The following SLC25A24 variants were observed in gnomAD, a reference collection of about 807,000 sequenced individuals.
The protein encoded by SLC25A24 is solute carrier family 25 member 24.
Under a neutral mutation model 60.7 loss-of-function variants are expected in SLC25A24, and 49 were observed. That is an observed-to-expected ratio of 0.81 (90% CI 0.64 to 1.02). SLC25A24 has a LOEUF of 1.02. Among genes scored for constraint, SLC25A24 ranks in the 50% least tolerant of loss-of-function variants. SLC25A24 has a pLI of 0.00. For missense variants in SLC25A24, 564 were observed against 586.3 expected, an observed-to-expected ratio of 0.96 and a Z score of 0.39; for synonymous variants, 202 against 200.6, an observed-to-expected ratio of 1.01 and a Z score of -0.06.
intron 1 of SLC25A24, among the ~76,000 whole-genome samples, chr1:108,188,293 C>T (rs1482910837): frequency 6.6e-6 from 1 of 152,032 alleles, no homozygotes; most frequent in East Asian, 1.9e-4. Context: ...ACCTGGGTGA[C>T]AGGGTTCAAT....
chr1:108,140,855 C>A (rs1468671766), intron 8 of SLC25A24, among the ~76,000 whole-genome samples: 1 of 150,878 alleles, frequency 6.6e-6, no homozygotes. Flanking sequence ...ACAGAAGAAG[C>A]CAGGAAGAGA....
At chr1:108,172,840 C>T (rs1042780800) in intron 3 of SLC25A24, among the ~76,000 whole-genome samples, 2 of 152,140 alleles carry the variant, frequency 1.3e-5, no homozygotes, top group East Asian at 3.9e-4. Context: ...TATATAACTA[C>T]AGGAAACTCT....
At chr1:108,147,543 G>A (rs1418312492) in intron 7 of SLC25A24, among the ~76,000 whole-genome samples, 4 of 151,840 alleles carry the variant, frequency 2.6e-5, no homozygotes, top group Non-Finnish European at 5.9e-5. Context: ...TTCCTGTGTT[G>A]CCCACTTTTT....
intron 6 of SLC25A24, among the ~76,000 whole-genome samples, chr1:108,151,697 A>G (rs1679761756): frequency 6.6e-6 from 1 of 152,204 alleles, no homozygotes; most frequent in Non-Finnish European, 1.5e-5. Context: ...GGCTCAACTC[A>G]GCAACAACCT....
At chr1:108,192,274 T>C (rs1018770560) in intron 1 of SLC25A24, among the ~76,000 whole-genome samples, 14 of 139,344 alleles carry the variant, frequency 1.0e-4, no homozygotes, top group African/African-American at 3.0e-4. Context: ...AATCTGAAGT[T>C]GGAGATTTTA....
Position 108,139,544 on chromosome 1 carries a change from T to C in SLC25A24, c.1099-336A>G, listed in dbSNP as rs892929966. On this transcript the variant is annotated intron_variant, in intron 8 of 9. Coordinates refer to ENST00000565488, the MANE Select transcript of SLC25A24 (RefSeq NM_013386.5). ...ATTGTATCTCATTTTACACGTTACA[T>C]ATATTTCATTTGAGCCTTACAGAAA... Among the ~76,000 whole-genome samples the C allele has an allele frequency of 4.6e-5, 7 of 152,190 alleles. No individual in the cohort carries two copies. The South Asian group carries it at 1.4e-3, about 31-fold the overall frequency.
At chr1:108,196,595 GCTTA>G (rs1437415779) in intron 1 of SLC25A24, among the ~76,000 whole-genome samples, 9 of 152,086 alleles carry the variant, frequency 5.9e-5, no homozygotes, top group African/African-American at 2.2e-4. Flanking sequence ...AATACTATTG[GCTTA>G]CTTAAAAAAT....
At chr1:108,179,325 G>A (rs546923938) in intron 3 of SLC25A24, among the ~76,000 whole-genome samples, 2 of 152,198 alleles carry the variant, frequency 1.3e-5, no homozygotes, top group East Asian at 3.9e-4. Context: ...ATGGAAAGCA[G>A]TATGGAGTTC....
intron 4 of SLC25A24, among the ~76,000 whole-genome samples, chr1:108,160,090 G>T (rs1156704839): frequency 1.3e-5 from 2 of 151,430 alleles, no homozygotes; most frequent in Non-Finnish European, 2.9e-5. Flanking sequence ...TGGCCGGGCG[G>T]GGGGCTGACC....
intron 3 of SLC25A24, among the ~76,000 whole-genome samples, chr1:108,179,938 C>T (rs1647853847): frequency 6.6e-6 from 1 of 152,128 alleles, no homozygotes. Context: ...CCACAATGTA[C>T]ATATACTTCA....
In SLC25A24 at chr1:108,148,410, C is replaced by A; in HGVS notation, c.823-24G>T. 3 of 1,292,318 alleles carry A rather than the reference C, an allele frequency of 2.3e-6. No individual in the cohort carries two copies. In the South Asian group the frequency reaches 3.5e-5, roughly 15 times the overall value. The allele number at this position is 1,292,318 out of a possible 1,614,324, so 80.1% of individuals were successfully genotyped here. On this transcript the variant is annotated intron_variant, in intron 6 of 9. Coordinates refer to ENST00000565488, the MANE Select transcript of SLC25A24 (RefSeq NM_013386.5). ...TACTGTATAAACAAGTTTTAAAATG[C>A]ACATTACTACCTGCTGTGGACTGAG... is the stretch of plus-strand genomic sequence containing the variant.
intron 6 of SLC25A24, among the ~76,000 whole-genome samples, chr1:108,150,714 A>G (rs10494090): frequency 0.6 from 91,441 of 151,942 alleles, 27,992 homozygotes; most frequent in East Asian, 0.74. Flanking sequence ...GTAATCAAAG[A>G]CTAATCCTTT....
At chr1:108,166,753 C>A (rs1396498052) in intron 3 of SLC25A24, among the ~76,000 whole-genome samples, 1 of 152,196 alleles carries the variant, frequency 6.6e-6, no homozygotes, top group Non-Finnish European at 1.5e-5. Flanking sequence ...CCTCCCATAG[C>A]TCAGAGTAAT....
At chr1:108,171,079 CTA>C (rs1481216579) in intron 3 of SLC25A24, among the ~76,000 whole-genome samples, 1 of 152,072 alleles carries the variant, frequency 6.6e-6, no homozygotes, top group Admixed American at 6.6e-5. Context: ...CTCATTCTTT[CTA>C]TGTTTTTCCC....
chr1:108,160,120 C>A (rs1281550960), intron 4 of SLC25A24, among the ~76,000 whole-genome samples: 1 of 151,360 alleles, frequency 6.6e-6, no homozygotes, highest in African/African-American at 2.4e-5. Flanking sequence ...CCCTCCCGGA[C>A]AGGGTGGCTG....
rs11185282 is a variant in SLC25A24 at position 108,138,860 on chromosome 1, G to T, written c.1249+198C>A. Among the ~76,000 whole-genome samples the T allele has an allele frequency of 0.04, 6,075 of 152,220 alleles. 333 individuals carry two copies. The highest frequency in any genetic ancestry group is 0.27 in the East Asian group (1,396 of 5,178). On this transcript the variant is annotated intron_variant, in intron 9 of 9. Coordinates refer to ENST00000565488, the MANE Select transcript of SLC25A24 (RefSeq NM_013386.5). ...CATACAGTACATATGCAATGCTTCT[G>T]TCGCATTAAAATTTCATGACGAGGG...
At chr1:108,156,456 A>G (rs1172169857) in intron 5 of SLC25A24, among the ~76,000 whole-genome samples, 1 of 152,238 alleles carries the variant, frequency 6.6e-6, no homozygotes, top group Admixed American at 6.5e-5. Context: ...TTCCTAAAGA[A>G]AAACACACAC....
rs1238133437 is a variant in SLC25A24, at chr1:108,143,442, T to C, written c.1098+101A>G. The C allele has an allele frequency of 1.4e-5, 14 of 977,368 alleles. No individual in the cohort carries two copies. In the East Asian group the frequency reaches 3.5e-4, roughly 25 times the overall value. The allele number at this position is 977,368 out of a possible 1,614,324, so 60.5% of individuals were successfully genotyped here. A position where few individuals can be genotyped will look rare whatever the true frequency, so the allele number is the denominator to read the frequency against. On this transcript the variant is annotated intron_variant, in intron 8 of 9. Coordinates refer to ENST00000565488, the MANE Select transcript of SLC25A24 (RefSeq NM_013386.5). ...AACACATGCTTGAATTTACTTCTGG[T>C]CACACACTGTTTTCTGGTATATATC...
intron 3 of SLC25A24, among the ~76,000 whole-genome samples, chr1:108,167,733 T>C (rs1317367915): frequency 6.6e-6 from 1 of 152,226 alleles, no homozygotes; most frequent in Non-Finnish European, 1.5e-5. Flanking sequence ...CAGATGGAAA[T>C]GCAGCAATCA....
Sources: gnomAD v4.1 joint callset for allele counts (sites outside exome capture counted in the v4.1 genomes callset) on GRCh38, gnomAD v4.1.1 for gene constraint, MANE v1.5 for transcripts, NCBI Gene and HGNC (gene_info 2026-07-23, HGNC 2026-07-21) for gene names.